Variants in AGTPBP1 observed in about 807,000 individuals in gnomAD.
AGTPBP1 encodes the protein ATP/GTP binding carboxypeptidase 1.
A neutral mutation model predicts 143.9 loss-of-function variants in AGTPBP1; 70 were observed. The ratio of observed to expected loss-of-function variants is 0.49; its 90% confidence interval spans 0.40 to 0.59. The LOEUF (loss-of-function observed/expected upper bound fraction) is 0.59. Ranked by LOEUF, AGTPBP1 falls within the 20% of genes least tolerant of loss-of-function variation. AGTPBP1 has a pLI of 0.00. For missense variants in AGTPBP1, 1,229 were observed against 1,464.5 expected (o/e 0.84, Z 2.62); for synonymous variants, 463 against 500.2 (o/e 0.93, Z 0.99).
intron 13 of AGTPBP1, among the ~76,000 whole-genome samples, chr9:85,641,668 G>A (rs1029775691): frequency 6.6e-6 from 1 of 151,782 alleles, no homozygotes; most frequent in African/African-American, 2.4e-5. Context: ...TGAATGATTA[G>A]AACTATGAAA....
chr9:85,792,591 T>A, the AGTPBP1 span, among the ~76,000 whole-genome samples: 4 of 152,346 alleles, frequency 2.6e-5, no homozygotes, highest in Admixed American at 2.6e-4. Flanking sequence ...TAGAGTACAT[T>A]AAATGATATT....
chr9:85,709,316 A>AT (rs1368878238), intron 2 of AGTPBP1, among the ~76,000 whole-genome samples: 1 of 152,210 alleles, frequency 6.6e-6, no homozygotes, highest in Non-Finnish European at 1.5e-5. Context: ...ATATAAGAGA[A>AT]TTTTTTCAAC....
intron 2 of AGTPBP1, among the ~76,000 whole-genome samples, chr9:85,701,654 G>C (rs1836669706): frequency 6.6e-6 from 1 of 152,168 alleles, no homozygotes; most frequent in African/African-American, 2.4e-5. Context: ...CACCGTAACA[G>C]AGAACAAAAA....
intron 25 of AGTPBP1, among the ~76,000 whole-genome samples, chr9:85,550,864 T>C (rs895327879): frequency 6.6e-6 from 1 of 152,180 alleles, no homozygotes; most frequent in Non-Finnish European, 1.5e-5. Flanking sequence ...ACCAGCACTG[T>C]TTCCTCTGCA....
At chr9:85,801,750 A>C in the AGTPBP1 span, among the ~76,000 whole-genome samples, 1 of 152,176 alleles carries the variant, frequency 6.6e-6, no homozygotes, top group Non-Finnish European at 1.5e-5. Context: ...ATGAAATGTG[A>C]TATTTGCAAG....
At chr9:85,740,224 GT>G (rs1824158513) in intron 1 of AGTPBP1, among the ~76,000 whole-genome samples, 1 of 152,182 alleles carries the variant, frequency 6.6e-6, no homozygotes, top group Non-Finnish European at 1.5e-5. Context: ...TACGAGGGTA[GT>G]TTTAAGCCTA....
intron 17 of AGTPBP1, among the ~76,000 whole-genome samples, chr9:85,602,352 GA>G (rs202093258): frequency 1.1e-3 from 171 of 151,954 alleles, no homozygotes; most frequent in African/African-American, 3.0e-3. Context: ...TTAAATGATA[GA>G]AAAAAATATA....
At position 85,585,473 on chromosome 9, in the gene AGTPBP1, G is replaced by A. The variant is rs140550602; in HGVS notation, c.3155C>T (p.Thr1052Met). Residue 1052 changes from threonine (T) to methionine (M), a missense_variant, in exon 23 of 26, where the codon ACG becomes ATG. Around this residue, in one of 2 missense-constraint regions of AGTPBP1, gnomAD observed 486 missense variants for 652.3 expected, o/e 0.75. Transcript: ENST00000357081. ...NATSCDVVED[T>M]GYRTLPKILS... ...ATCTGTAATAATTACCCTGTATCCC[G>A]TATCCTCCACAACATCACATGAAGT... The A allele has an allele frequency of 1.6e-5, 25 of 1,598,814 alleles. No individual in the cohort carries two copies. The highest frequency in any genetic ancestry group is 8.7e-5 in the Admixed American group (5 of 57,692).
the AGTPBP1 span, among the ~76,000 whole-genome samples, chr9:85,794,083 T>C: frequency 1.3e-5 from 2 of 152,070 alleles, no homozygotes; most frequent in Non-Finnish European, 2.9e-5. Context: ...GGTAAGGAAA[T>C]AGAAAATTAG....
intron 25 of AGTPBP1, among the ~76,000 whole-genome samples, chr9:85,565,114 T>C (rs952902002): frequency 6.6e-6 from 1 of 152,236 alleles, no homozygotes; most frequent in African/African-American, 2.4e-5. Context: ...ATCCAGCCTA[T>C]TGTATTTCAT....
the AGTPBP1 span, among the ~76,000 whole-genome samples, chr9:85,748,618 TC>T: frequency 1.4e-4 from 22 of 152,340 alleles, no homozygotes; most frequent in African/African-American, 5.3e-4. Context: ...ACATGATATA[TC>T]AGTTGGGTGT....
intron 1 of AGTPBP1, among the ~76,000 whole-genome samples, chr9:85,725,113 T>G (rs910203388): frequency 2.6e-5 from 4 of 152,146 alleles, no homozygotes; most frequent in African/African-American, 9.7e-5. Flanking sequence ...AATTCGTCAC[T>G]TGTGAGAGAT....
At chr9:85,625,593 A>AG (rs201482477) in intron 14 of AGTPBP1, among the ~76,000 whole-genome samples, 1,615 of 151,620 alleles carry the variant, frequency 0.011, 28 homozygotes, top group African/African-American at 0.037. Flanking sequence ...TTAAAAATAC[A>AG]GTTTTTTTTT....
chr9:85,718,766 T>C (rs565064613), intron 1 of AGTPBP1, among the ~76,000 whole-genome samples: 4 of 152,322 alleles, frequency 2.6e-5, no homozygotes, highest in African/African-American at 4.8e-5. Context: ...CTCAATGGTA[T>C]TGACTAGGTT....
rs377196703 is a variant in AGTPBP1, at chr9:85,596,460, G to C, written c.2336-11C>G. On this transcript the variant is annotated splice_polypyrimidine_tract_variant and intron_variant, in intron 17 of 25. Transcript: ENST00000357081. Reference sequence around the variant, plus strand: ...TGAGTGGTTGCATACCTTTGAAAGAGAGAAAAAAAGAGAGAAAATTATTTT... The same window carrying C: ...TGAGTGGTTGCATACCTTTGAAAGACAGAAAAAAAGAGAGAAAATTATTTT... 2.7e-6 allele frequency: 4 copies of C among 1,493,890 alleles called. No homozygotes were observed. Among genetic ancestry groups the C allele is most frequent in the Non-Finnish European group, 3.6e-6 (4 of 1,108,276 alleles). The allele number at this position is 1,493,890 out of a possible 1,614,324, so 92.5% of individuals were successfully genotyped here. A position where few individuals can be genotyped will look rare whatever the true frequency, so the allele number is the denominator to read the frequency against.
chr9:85,710,035 T>TAAA (rs1837267994), intron 2 of AGTPBP1, among the ~76,000 whole-genome samples: 2 of 152,156 alleles, frequency 1.3e-5, no homozygotes, highest in Non-Finnish European at 2.9e-5. Context: ...CACCTGTTTA[T>TAAA]GAGTACCTTA....
intron 4 of AGTPBP1, 61 bp from the exon 5 acceptor site, chr9:85,678,459 T>C (rs1487939454): frequency 6.3e-6 from 7 of 1,116,864 alleles, no homozygotes; most frequent in Middle Eastern, 2.8e-4. Context: ...GACTTTTGAA[T>C]CCACTGGGAA....
chr9:85,718,564 T>C (rs1564178775), intron 1 of AGTPBP1, among the ~76,000 whole-genome samples: 2 of 152,370 alleles, frequency 1.3e-5, no homozygotes, highest in South Asian at 2.1e-4. Context: ...AGATTCTGAA[T>C]ATTAGCCCTT....
chr9:85,788,169 A>G, the AGTPBP1 span: 2 of 152,094 alleles, frequency 1.3e-5, no homozygotes, highest in Non-Finnish European at 2.9e-5. Flanking sequence ...CAATTTATAA[A>G]TATTGGTCCA....
Sources: allele counts gnomAD v4.1 joint callset (sites outside exome capture counted in the v4.1 genomes callset), GRCh38; gene constraint gnomAD v4.1.1; regional missense constraint gnomAD v4.1.1; transcripts MANE v1.5; gene names NCBI Gene and HGNC (gene_info 2026-07-23, HGNC 2026-07-21).